RPTOR: variants seen among roughly 807,000 people sequenced by gnomAD.
RPTOR encodes regulatory-associated protein of mTOR.
In RPTOR, 21 loss-of-function variants were observed where a neutral mutation model predicts 169.9. The ratio of observed to expected loss-of-function variants is 0.12; its 90% confidence interval spans 0.09 to 0.18. The LOEUF (loss-of-function observed/expected upper bound fraction) is 0.18, where lower values mean the gene tolerates loss of function less well. RPTOR is among the 10% of genes least tolerant of loss of function. The probability of loss-of-function intolerance (pLI) is 1.00; values close to 1 mark genes in which losing one functional copy is unlikely to be tolerated. For synonymous variants in RPTOR, 732 were observed against 753.2 expected, an observed-to-expected ratio of 0.97 and a Z score of 0.46; for missense variants, 1,133 against 1,855.9, an observed-to-expected ratio of 0.61 and a Z score of 7.16.
intron 1 of RPTOR, among the ~76,000 whole-genome samples, chr17:80,568,797 G>A (rs1224310090): frequency 6.6e-6 from 1 of 152,050 alleles, no homozygotes; most frequent in Non-Finnish European, 1.5e-5. Flanking sequence ...CTGTTGCAAT[G>A]TCTTCGCGTT....
intron 1 of RPTOR, 81 bp from the exon 2 acceptor site, chr17:80,625,610 G>T: frequency 1.8e-6 from 2 of 1,105,670 alleles, no homozygotes; most frequent in Non-Finnish European, 2.7e-6. Context: ...AATGTTCTGG[G>T]GGACATTTTA....
At chr17:80,685,657 TG>T (rs2065941428) in intron 3 of RPTOR, among the ~76,000 whole-genome samples, 1 of 119,606 alleles carries the variant, frequency 8.4e-6, no homozygotes, top group African/African-American at 3.1e-5. Context: ...TTTTTTTTTT[TG>T]CTGTGAATTA....
intron 1 of RPTOR, among the ~76,000 whole-genome samples, chr17:80,550,780 C>T (rs2084334585): frequency 6.6e-6 from 1 of 152,158 alleles, no homozygotes. Flanking sequence ...TGATGCAGCC[C>T]CAGTCCAGGC....
chr17:80,895,607 A>G (rs546870068), intron 20 of RPTOR, among the ~76,000 whole-genome samples: 1 of 152,336 alleles, frequency 6.6e-6, no homozygotes, highest in African/African-American at 2.4e-5. Flanking sequence ...TTCAGCGTGG[A>G]TACACGTGAG....
intron 6 of RPTOR, among the ~76,000 whole-genome samples, chr17:80,769,745 G>A (rs967426229): frequency 2.6e-5 from 4 of 152,168 alleles, no homozygotes; most frequent in Non-Finnish European, 4.4e-5. Context: ...GCATTGTGAG[G>A]CACTCACCCT....
At chr17:80,847,904 C>T (rs35074002) in intron 11 of RPTOR, among the ~76,000 whole-genome samples, 76,214 of 152,112 alleles carry the variant, frequency 0.5, 21,597 homozygotes, top group Non-Finnish European at 0.63. Context: ...TTTAGAAAAC[C>T]GGGGCCAGTT....
intron 21 of RPTOR, among the ~76,000 whole-genome samples, chr17:80,919,823 C>T (rs1348476610): frequency 6.6e-6 from 1 of 152,264 alleles, no homozygotes; most frequent in Non-Finnish European, 1.5e-5. Context: ...GGGACCTTGA[C>T]CCTCTTACAG....
chr17:80,965,916 A>C lies in RPTOR; in HGVS notation c.*1586A>C, dbSNP rs1028493568. On this transcript the variant is annotated 3_prime_UTR_variant, in exon 34 of 34. Transcript: ENST00000306801. ...GGCCGAGAAAGCAGCCCGGGTCCGG[A>C]AGGTGTAGAGAGTCCCGGCCTCACT... 8.6e-6 allele frequency: 2 copies of C among 233,164 alleles called. No homozygotes were observed. The highest frequency in any genetic ancestry group is 4.4e-5 in the African/African-American group (2 of 45,322). 14.4% of individuals were successfully genotyped at this position (233,164 alleles called of 1,614,324 possible).
At chr17:80,939,813 C>T (rs1279942925) in intron 24 of RPTOR, among the ~76,000 whole-genome samples, 5 of 152,226 alleles carry the variant, frequency 3.3e-5, no homozygotes, top group Admixed American at 6.5e-5. Flanking sequence ...AAGCGGCATT[C>T]GGTGCCCCCC....
intron 21 of RPTOR, chr17:80,909,984 C>T (rs1298505923): frequency 3.9e-5 from 6 of 152,234 alleles, no homozygotes; most frequent in Non-Finnish European, 7.3e-5. Context: ...TTTGTGAGCT[C>T]TGGGCATTTG....
At chr17:80,885,196 C>T (rs772653985) in intron 17 of RPTOR, 48 bp downstream of exon 17, 1 of 1,539,580 alleles carries the variant, frequency 6.5e-7, no homozygotes, top group South Asian at 1.2e-5. Flanking sequence ...AGGCTGGACC[C>T]CGTGACACCT....
intron 6 of RPTOR, chr17:80,774,440 C>A: frequency 1.3e-6 from 1 of 756,754 alleles, no homozygotes; most frequent in Non-Finnish European, 1.6e-6. Flanking sequence ...AGACGTAGTG[C>A]ATAAAACATC....
chr17:80,714,657 T>A (rs1453882218), intron 4 of RPTOR, among the ~76,000 whole-genome samples: 6 of 152,240 alleles, frequency 3.9e-5, no homozygotes, highest in African/African-American at 1.4e-4. Flanking sequence ...GGTGTAACAG[T>A]GCTTATGGAA....
intron 3 of RPTOR, among the ~76,000 whole-genome samples, chr17:80,668,887 C>T (rs1221665613): frequency 3.3e-5 from 5 of 152,236 alleles, no homozygotes; most frequent in Non-Finnish European, 7.3e-5. Flanking sequence ...TTTTAAAGGT[C>T]AGATTTTATT....
rs35843489 is a variant in RPTOR, at chr17:80,609,773, TTGTGTGTGTGTGTG to T, written c.163-15896_163-15883del. Among the ~76,000 whole-genome samples the T allele has an allele frequency of 7.0e-6, 1 of 143,252 alleles. No individual in the cohort carries two copies. The highest frequency in any genetic ancestry group is 1.5e-5 in the Non-Finnish European group (1 of 65,542). The allele number at this position is 143,252 out of a possible 152,430, so 94.0% of individuals were successfully genotyped here. ...AAAAAAAAAAAGTTTAAGGTGTTGG[TTGTGTGTGTGTGTG>T]TGTGTGTGTGTGTGTGTGTGTTAAG... is the stretch of plus-strand genomic sequence containing the variant. On this transcript the variant is annotated intron_variant, in intron 1 of 33. Transcript: ENST00000306801. This position sits in a 1 kb window ranked among gnomAD's most constrained non-coding sequence, Gnocchi z 4.8.
At chr17:80,917,544 C>T (rs1019945938) in intron 21 of RPTOR, among the ~76,000 whole-genome samples, 4 of 152,194 alleles carry the variant, frequency 2.6e-5, no homozygotes, top group Non-Finnish European at 4.4e-5. Context: ...CTGCCTGAAT[C>T]GTAAGGATTT....
intron 11 of RPTOR, among the ~76,000 whole-genome samples, chr17:80,853,409 C>G (rs2067816255): frequency 6.6e-6 from 1 of 152,156 alleles, no homozygotes; most frequent in African/African-American, 2.4e-5. Flanking sequence ...GCAGCGAGGC[C>G]AGGTCAGGGG....
chr17:80,724,055 A>G (rs994129425), intron 4 of RPTOR, among the ~76,000 whole-genome samples: 3 of 151,382 alleles, frequency 2.0e-5, no homozygotes, highest in Non-Finnish European at 4.4e-5. Flanking sequence ...TGCTGAAGAA[A>G]GTATAAATCA....
chr17:80,793,656 AG>A (rs541249016), intron 7 of RPTOR, among the ~76,000 whole-genome samples: 280 of 152,070 alleles, frequency 1.8e-3, no homozygotes, highest in African/African-American at 6.4e-3. Flanking sequence ...CTCCGGACAG[AG>A]CCCCCCGGTC....
Sources: gnomAD v4.1 joint callset for allele counts (sites outside exome capture counted in the v4.1 genomes callset) on GRCh38, gnomAD v4.1.1 for gene constraint, Gnocchi (gnomAD v3.1) non-coding constraint, MANE v1.5 for transcripts, NCBI Gene and HGNC (gene_info 2026-07-23, HGNC 2026-07-21) for gene names.